The following RERG variants were observed in gnomAD, a reference collection of about 807,000 sequenced individuals.
The protein encoded by RERG is ras-related and estrogen-regulated growth inhibitor.
Under a neutral mutation model 23.2 loss-of-function variants are expected in RERG, and 25 were observed. The observed-to-expected ratio is 1.08, with a 90% confidence interval of 0.79 to 1.50. The LOEUF (loss-of-function observed/expected upper bound fraction) is 1.50. RERG is among the 40% of genes most tolerant of loss of function. The pLI, the probability that RERG is intolerant of heterozygous loss-of-function variation, is 0.00. For missense variants in RERG, 253 were observed against 250.1 expected (o/e 1.01, Z -0.08); for synonymous variants, 81 against 89.1 (o/e 0.91, Z 0.51).
Position 15,121,109 on chromosome 12 carries a change from CACT to C in RERG, c.69_71del (p.Val24del). ...AGATGAACCGTTTGGTCAGAAATCTCACTACAAGAGCTGTGGAAGAAAAGAGCA... is the reference window on the plus strand; with the variant it reads ...AGATGAACCGTTTGGTCAGAAATCTCACAAGAGCTGTGGAAGAAAAGAGCA... On this transcript the variant is annotated inframe_deletion, in exon 3 of 5. Coordinates refer to ENST00000256953, the MANE Select transcript of RERG (RefSeq NM_032918.3). 2 of 1,613,120 alleles carry C rather than the reference CACT, an allele frequency of 1.2e-6. No homozygotes were observed. Among genetic ancestry groups the C allele is most frequent in the Non-Finnish European group, 1.7e-6 (2 of 1,179,296 alleles).
At chr12:15,127,416 A>G (rs1206166007) in intron 2 of RERG, among the ~76,000 whole-genome samples, 1 of 152,214 alleles carries the variant, frequency 6.6e-6, no homozygotes, top group East Asian at 1.9e-4. Flanking sequence ...TTAAAGTGGA[A>G]CTTTCATTTC....
intron 2 of RERG, among the ~76,000 whole-genome samples, chr12:15,201,702 A>G (rs1201996495): frequency 6.7e-6 from 1 of 149,776 alleles, no homozygotes; most frequent in Non-Finnish European, 1.5e-5. Context: ...AGCTAATATT[A>G]ATTATTAGTA....
intron 3 of RERG, 101 bp downstream of exon 3, chr12:15,120,958 ACATC>A: frequency 1.2e-6 from 1 of 822,120 alleles, no homozygotes; most frequent in South Asian, 1.5e-5. Context: ...AAGCACTTCC[ACATC>A]AGCTAAAAGG....
chr12:15,179,369 C>A (rs944838804), intron 2 of RERG, among the ~76,000 whole-genome samples: 1 of 152,214 alleles, frequency 6.6e-6, no homozygotes, highest in Non-Finnish European at 1.5e-5. Flanking sequence ...AAACCCAGGG[C>A]TCTGCACTGC....
chr12:15,137,374 GA>G (rs779326560), intron 2 of RERG, among the ~76,000 whole-genome samples: 30 of 151,598 alleles, frequency 2.0e-4, no homozygotes, highest in Non-Finnish European at 4.1e-4. Context: ...TATTTAAAAT[GA>G]TTACTGATAT....
chr12:15,163,462 C>T (rs776161074), intron 2 of RERG, among the ~76,000 whole-genome samples: 4 of 152,068 alleles, frequency 2.6e-5, no homozygotes, highest in South Asian at 2.1e-4. Flanking sequence ...TTTCCAGTAG[C>T]GGATAAGACA....
chr12:15,217,162 T>C (rs1370736005), intron 2 of RERG: 2 of 361,542 alleles, frequency 5.5e-6, no homozygotes, highest in Non-Finnish European at 1.0e-5. Context: ...TCTTTGGAGG[T>C]TGTTAAAAAT....
At chr12:15,153,895 G>A (rs995196154) in intron 2 of RERG, among the ~76,000 whole-genome samples, 7 of 152,156 alleles carry the variant, frequency 4.6e-5, no homozygotes, top group African/African-American at 1.4e-4. Flanking sequence ...TAAGCCCTAA[G>A]TGATTAAATA....
At chr12:15,168,996 GTTGTT>G (rs1234377432) in intron 2 of RERG, among the ~76,000 whole-genome samples, 2 of 152,044 alleles carry the variant, frequency 1.3e-5, no homozygotes, top group Admixed American at 6.5e-5. Flanking sequence ...TTTTGTTGTT[GTTGTT>G]TTGTTTTGTT....
intron 2 of RERG, among the ~76,000 whole-genome samples, chr12:15,194,260 T>C (rs1024032836): frequency 2.0e-5 from 3 of 152,124 alleles, no homozygotes; most frequent in African/African-American, 7.2e-5. Context: ...CAACAGCACA[T>C]TCCAGGCCTT....
intron 2 of RERG, among the ~76,000 whole-genome samples, chr12:15,214,295 G>A (rs1039471754): frequency 6.6e-6 from 1 of 152,046 alleles, no homozygotes; most frequent in African/African-American, 2.4e-5. Flanking sequence ...TGAAGAAATC[G>A]ACTGGTTAAG....
intron 2 of RERG, among the ~76,000 whole-genome samples, chr12:15,130,133 T>C (rs1330387667): frequency 1.3e-5 from 2 of 152,186 alleles, no homozygotes; most frequent in East Asian, 1.9e-4. Flanking sequence ...CATCTGCCTA[T>C]CTATCATACA....
chr12:15,201,547 CTAA>C (rs555696871), intron 2 of RERG, among the ~76,000 whole-genome samples: 171 of 149,014 alleles, frequency 1.1e-3, no homozygotes, highest in African/African-American at 4.0e-3. Context: ...TTAATATTAG[CTAA>C]TAATAGTAAT....
chr12:15,175,333 C>CTGTGTGTGTGTG lies in RERG; in HGVS notation c.61+42084_61+42095dup, dbSNP rs532399275. 5.6e-3 allele frequency among the ~76,000 whole-genome samples: 631 copies of CTGTGTGTGTGTG among 112,226 alleles called. 11 individuals carry two copies. Among genetic ancestry groups the CTGTGTGTGTGTG allele is most frequent in the East Asian group, 0.014 (50 of 3,636 alleles). 73.6% of individuals were successfully genotyped at this position (112,226 alleles called of 152,430 possible). On this transcript the variant is annotated intron_variant, in intron 2 of 4. Transcript: ENST00000256953. Reference sequence around the variant, plus strand: ...ATCTTTCAACCTTTACTCTCAGGCTCTGTGTGTGTGTGTGTGTGTGTGTGT... The same window carrying CTGTGTGTGTGTG: ...ATCTTTCAACCTTTACTCTCAGGCTCTGTGTGTGTGTGTGTGTGTGTGTGTGTGTGTGTGTGT...
rs1403018878 is a variant in RERG at position 15,107,948 on chromosome 12, T to C, written c.*1162A>G. 2 of 152,626 alleles carry C rather than the reference T, an allele frequency of 1.3e-5. No homozygotes were observed. The highest frequency in any genetic ancestry group is 4.8e-5 in the African/African-American group (2 of 41,458). The allele number at this position is 152,626 out of a possible 1,614,324, so 9.5% of individuals were successfully genotyped here. ...ATACATATGTAAAAGATATATATTT[T>C]CTACTAAAATAAAGTACCCAAATCT... On this transcript the variant is annotated 3_prime_UTR_variant, in exon 5 of 5. Coordinates refer to ENST00000256953, the MANE Select transcript of RERG (RefSeq NM_032918.3).
chr12:15,136,604 T>A (rs1343748301), intron 2 of RERG, among the ~76,000 whole-genome samples: 2 of 152,058 alleles, frequency 1.3e-5, no homozygotes, highest in African/African-American at 2.4e-5. Flanking sequence ...GTATTTTTAC[T>A]TTCATTTAGT....
chr12:15,218,161 A>G (rs1265020415), intron 1 of RERG: 1 of 152,266 alleles, frequency 6.6e-6, no homozygotes, highest in Non-Finnish European at 1.5e-5. Context: ...AGGAATCAAT[A>G]TATAATACAT....
At chr12:15,194,724 T>G (rs756209092) in intron 2 of RERG, among the ~76,000 whole-genome samples, 81 of 152,042 alleles carry the variant, frequency 5.3e-4, no homozygotes, top group Admixed American at 2.8e-3. Context: ...AACAGCAGGA[T>G]CTCTTGCTGT....
At chr12:15,191,898 C>T (rs747203428) in intron 2 of RERG, among the ~76,000 whole-genome samples, 4 of 152,150 alleles carry the variant, frequency 2.6e-5, no homozygotes, top group South Asian at 2.1e-4. Context: ...TTGTTAGCCA[C>T]AAATCCCTAA....
Sources: allele counts gnomAD v4.1 joint callset (sites outside exome capture counted in the v4.1 genomes callset), GRCh38; gene constraint gnomAD v4.1.1; transcripts MANE v1.5; gene names NCBI Gene and HGNC (gene_info 2026-07-23, HGNC 2026-07-21).